The following PMFBP1 variants were observed in gnomAD, a reference collection of about 807,000 sequenced individuals.
The protein encoded by PMFBP1 is polyamine-modulated factor 1-binding protein 1.
A neutral mutation model predicts 137.8 loss-of-function variants in PMFBP1; 131 were observed. That is an observed-to-expected ratio of 0.95 (90% CI 0.82 to 1.10). The LOEUF is 1.10. Among genes scored for constraint, PMFBP1 ranks in the 50% least tolerant of loss-of-function variants. PMFBP1 has a pLI of 0.00. For synonymous variants in PMFBP1, 490 were observed against 450.4 expected (o/e 1.09, Z -1.11); for missense variants, 1,199 against 1,175.4 (o/e 1.02, Z -0.29).
At chr16:72,232,721 G>A in the PMFBP1 span, among the ~76,000 whole-genome samples, 1 of 152,064 alleles carries the variant, frequency 6.6e-6, no homozygotes, top group Non-Finnish European at 1.5e-5. Flanking sequence ...CAATTTGAGG[G>A]GACTGACATG....
Position 72,139,364 on chromosome 16 carries a change from T to C in PMFBP1, c.843A>G (p.Gln281=), listed in dbSNP as rs2042681179. Reference sequence around the variant, plus strand: ...TGGCTGTACAGGAAGCAAAATCGGCTTGTAGTTTTATCAAAGCCTTTTCAC... The same window carrying C: ...TGGCTGTACAGGAAGCAAAATCGGCCTGTAGTTTTATCAAAGCCTTTTCAC... ...LEREKALIKL[Q]ADFASCTATH... The change falls in exon 7 of 21, where the codon CAA becomes CAG. Residue 281 remains glutamine, a synonymous_variant. Transcript: ENST00000237353. 4 of 1,614,078 alleles carry C rather than the reference T, an allele frequency of 2.5e-6. No individual in the cohort carries two copies. The highest frequency in any genetic ancestry group is 3.4e-6 in the Non-Finnish European group (4 of 1,180,012).
chr16:72,127,677 T>C (rs1245111131), intron 14 of PMFBP1, among the ~76,000 whole-genome samples: 2 of 152,204 alleles, frequency 1.3e-5, no homozygotes, highest in African/African-American at 4.8e-5. Context: ...AAAGTTCTAA[T>C]AAAAGACCTA....
intron 3 of PMFBP1, among the ~76,000 whole-genome samples, chr16:72,162,361 T>C (rs2043074730): frequency 1.3e-5 from 2 of 152,254 alleles, no homozygotes; most frequent in African/African-American, 4.8e-5. Flanking sequence ...TGCAAGGTCA[T>C]GCCGTTTTCT....
chr16:72,140,717 C>A, intron 5 of PMFBP1, 135 bp from the exon 6 acceptor site: 2 of 815,042 alleles, frequency 2.5e-6, no homozygotes, highest in Non-Finnish European at 3.8e-6. Flanking sequence ...GTTTCCTTAA[C>A]AAAACAAAAA....
chr16:72,173,867 CT>C (rs1265398809), upstream of PMFBP1: 1 of 152,290 alleles, frequency 6.6e-6, no homozygotes, highest in East Asian at 1.9e-4. Context: ...CGGCTACTGA[CT>C]CTCTGAAGCC....
chr16:72,136,389 C>T, intron 9 of PMFBP1, 59 bp downstream of exon 9: 2 of 1,569,288 alleles, frequency 1.3e-6, no homozygotes, highest in Non-Finnish European at 1.7e-6. Context: ...CCGGTTAATG[C>T]CAGGACATGG....
At chr16:72,144,508 A>G (rs1428143765) in intron 5 of PMFBP1, among the ~76,000 whole-genome samples, 2 of 152,162 alleles carry the variant, frequency 1.3e-5, no homozygotes, top group African/African-American at 4.8e-5. Flanking sequence ...TACCTGAACC[A>G]GTGTGGAAGG....
At chr16:72,154,516 C>T (rs1395920451) in intron 3 of PMFBP1, 57 bp from the exon 4 acceptor site, 2 of 1,549,666 alleles carry the variant, frequency 1.3e-6, no homozygotes, top group Non-Finnish European at 8.7e-7. Context: ...AGGACGTATT[C>T]ATTCCAGGAT....
intron 1 of PMFBP1, chr16:72,171,501 A>T (rs1222599956): frequency 2.3e-6 from 1 of 429,744 alleles, no homozygotes. Flanking sequence ...TGGTGAACCA[A>T]ACAGTTTCTG....
At chr16:72,206,117 G>C in the PMFBP1 span, among the ~76,000 whole-genome samples, 16 of 152,178 alleles carry the variant, frequency 1.1e-4, no homozygotes, top group Non-Finnish European at 2.4e-4. Flanking sequence ...GGAAGGTCTG[G>C]CAGAGACAGG....
At chr16:72,239,928 G>A in the PMFBP1 span, among the ~76,000 whole-genome samples, 1 of 147,364 alleles carries the variant, frequency 6.8e-6, no homozygotes, top group Non-Finnish European at 1.5e-5. Flanking sequence ...GAATGTTCCT[G>A]TTGTCATTAG....
chr16:72,129,760 G>T (rs2042519229), intron 12 of PMFBP1, among the ~76,000 whole-genome samples: 2 of 152,172 alleles, frequency 1.3e-5, no homozygotes, highest in African/African-American at 4.8e-5. Flanking sequence ...GTGCTGAGTG[G>T]CTGGCTTAGC....
the PMFBP1 span, among the ~76,000 whole-genome samples, chr16:72,220,967 G>A: frequency 1.3e-5 from 2 of 152,166 alleles, no homozygotes; most frequent in Non-Finnish European, 2.9e-5. Context: ...TCAGTTTCCT[G>A]AGGATTGTGC....
At chr16:72,170,282 G>A (rs2043202591) in intron 2 of PMFBP1, among the ~76,000 whole-genome samples, 1 of 151,606 alleles carries the variant, frequency 6.6e-6, no homozygotes, top group Admixed American at 6.6e-5. Flanking sequence ...AATGCAGCAG[G>A]AAAGGAGTGG....
intron 4 of PMFBP1, among the ~76,000 whole-genome samples, chr16:72,153,458 G>GA (rs146270697): frequency 0.027 from 4,067 of 152,018 alleles, 87 homozygotes; most frequent in Non-Finnish European, 0.04. Flanking sequence ...TCTAAAGAAA[G>GA]AAAATGCCAG....
Position 72,130,645 on chromosome 16 carries a change from T to C in PMFBP1, c.1525A>G (p.Lys509Glu), listed in dbSNP as rs757222152. The C allele has an allele frequency of 6.2e-7, 1 of 1,613,978 alleles. No individual in the cohort carries two copies. The highest frequency in any genetic ancestry group is 8.5e-7 in the Non-Finnish European group (1 of 1,179,972). The change falls in exon 11 of 21, where the codon AAG (lysine) becomes GAG (glutamate). Residue 509 changes from lysine (K) to glutamate (E), a missense_variant. Physicochemically the swap from Lys to Glu is moderately conservative, Grantham distance 56 (BLOSUM62 1). Coordinates refer to ENST00000237353, the MANE Select transcript of PMFBP1 (RefSeq NM_031293.3). ...HLEDTQRKLQKGLLLDKQKAD... is the reference protein window; with the variant it reads ...HLEDTQRKLQEGLLLDKQKAD... ...TTCTGCTTGTCCAGGAGGAGACCCT[T>C]CTGCAGTTTCCTCTGGGTGTCCTCC...
the PMFBP1 span, among the ~76,000 whole-genome samples, chr16:72,201,742 T>C: frequency 6.6e-6 from 1 of 152,230 alleles, no homozygotes; most frequent in African/African-American, 2.4e-5. Flanking sequence ...AATTACCCAC[T>C]ATACGGTTAA....
At position 72,136,912 on chromosome 16, in the gene PMFBP1, G is replaced by A. The variant is rs2042641419; in HGVS notation, c.919-93C>T. ...CAGCATCCACAGTCAACAGTAAGTA[G>A]GGACAAAGTAGCAGAGTAATGGCTG... is the stretch of plus-strand genomic sequence containing the variant. On this transcript the variant is annotated intron_variant, in intron 7 of 20. Transcript: ENST00000237353. The A allele has an allele frequency of 7.8e-6, 12 of 1,543,348 alleles. No homozygotes were observed. The South Asian group carries it at 8.3e-5, about 11-fold the overall frequency.
chr16:72,167,220 A>G (rs3909541), intron 2 of PMFBP1, among the ~76,000 whole-genome samples: 89,846 of 152,094 alleles, frequency 0.59, 27,619 homozygotes, highest in African/African-American at 0.76. Context: ...CAGAGTATTC[A>G]GAATTCAGAA....
Sources: allele counts gnomAD v4.1 joint callset (sites outside exome capture counted in the v4.1 genomes callset), GRCh38; gene constraint gnomAD v4.1.1; transcripts MANE v1.5; gene names NCBI Gene and HGNC (gene_info 2026-07-23, HGNC 2026-07-21).